Variants in PDE1C observed in about 807,000 individuals in gnomAD.
PDE1C encodes the protein dual specificity calcium/calmodulin-dependent 3',5'-cyclic nucleotide phosphodiesterase 1C.
In PDE1C, 62 loss-of-function variants were observed where a neutral mutation model predicts 93.1. The ratio of observed to expected loss-of-function variants is 0.67; its 90% CI spans 0.54 to 0.82. The LOEUF is 0.82. Ranked by LOEUF, PDE1C falls within the 40% of genes least tolerant of loss-of-function variation. The pLI, the probability that PDE1C is intolerant of heterozygous loss-of-function variation, is 0.00. For missense variants in PDE1C, 742 were observed against 884.6 expected (o/e 0.84, Z 2.04); for synonymous variants, 325 against 310.1 (o/e 1.05, Z -0.50).
At chr7:31,973,173 A>T (rs571633604) in intron 2 of PDE1C, among the ~76,000 whole-genome samples, 4 of 152,354 alleles carry the variant, frequency 2.6e-5, no homozygotes, top group African/African-American at 4.8e-5. Context: ...AGGAAAAAAA[A>T]TAAGTGAACT....
intron 15 of PDE1C, among the ~76,000 whole-genome samples, chr7:31,815,124 T>C (rs543638054): frequency 1.5e-4 from 23 of 152,230 alleles, no homozygotes; most frequent in African/African-American, 4.8e-4. Flanking sequence ...CCCCATTTTA[T>C]AATCCCCAGT....
At chr7:31,664,280 G>T in the PDE1C span, among the ~76,000 whole-genome samples, 1 of 151,660 alleles carries the variant, frequency 6.6e-6, no homozygotes, top group Non-Finnish European at 1.5e-5. Flanking sequence ...CAAGTTGAAA[G>T]ATGTACTTAC....
intron 1 of PDE1C, among the ~76,000 whole-genome samples, chr7:32,420,573 G>A (rs1209669716): frequency 6.7e-6 from 1 of 150,146 alleles, no homozygotes; most frequent in African/African-American, 2.4e-5. Flanking sequence ...AGGGGGGGTG[G>A]TAATAATAGT....
intron 3 of PDE1C, among the ~76,000 whole-genome samples, chr7:32,136,638 C>T (rs1800227869): frequency 1.3e-5 from 2 of 152,146 alleles, no homozygotes; most frequent in Non-Finnish European, 2.9e-5. Flanking sequence ...TACCAAAGGA[C>T]TATTTCTAAT....
chr7:32,367,936 C>G (rs1784256192), intron 1 of PDE1C, among the ~76,000 whole-genome samples: 1 of 151,634 alleles, frequency 6.6e-6, no homozygotes, highest in Non-Finnish European at 1.5e-5. Context: ...GAACAAGACC[C>G]TATCTCTAGT....
chr7:32,086,219 C>G (rs1314405894), intron 3 of PDE1C, among the ~76,000 whole-genome samples: 3 of 143,000 alleles, frequency 2.1e-5, no homozygotes, highest in Non-Finnish European at 3.1e-5. Context: ...AACAGACAAA[C>G]AGAGAGCCAA....
the PDE1C span, among the ~76,000 whole-genome samples, chr7:31,649,076 TAATTGCAA>T: frequency 4.6e-5 from 7 of 152,316 alleles, no homozygotes; most frequent in African/African-American, 1.4e-4. Flanking sequence ...GATGCAAGAG[TAATTGCAA>T]AATTGCAAAA....
chr7:32,019,753 G>C (rs1788398756), intron 2 of PDE1C, among the ~76,000 whole-genome samples: 1 of 152,100 alleles, frequency 6.6e-6, no homozygotes, highest in Non-Finnish European at 1.5e-5. Context: ...GGGAAACAAG[G>C]GGAGGGAAGG....
chr7:31,617,941 A>C, the PDE1C span, among the ~76,000 whole-genome samples: 1 of 152,214 alleles, frequency 6.6e-6, no homozygotes, highest in Non-Finnish European at 1.5e-5. Flanking sequence ...TGTAGTAAAG[A>C]AAATGGTAGG....
chr7:32,059,610 G>A (rs1253936834), intron 1 of PDE1C, among the ~76,000 whole-genome samples: 1 of 152,162 alleles, frequency 6.6e-6, no homozygotes, highest in Non-Finnish European at 1.5e-5. Context: ...AAAAATTCCA[G>A]CACTTGGACT....
chr7:32,105,636 CAA>C (rs1313850139), intron 3 of PDE1C, among the ~76,000 whole-genome samples: 1 of 151,908 alleles, frequency 6.6e-6, no homozygotes, highest in Non-Finnish European at 1.5e-5. Context: ...CTCCTAAACT[CAA>C]TCCATCCTCC....
intron 2 of PDE1C, among the ~76,000 whole-genome samples, chr7:32,178,685 T>G (rs550507828): frequency 6.6e-6 from 1 of 152,190 alleles, no homozygotes; most frequent in East Asian, 1.9e-4. Flanking sequence ...TTCTCTTTCC[T>G]CTCTCCTTTG....
chr7:31,977,262 A>G (rs1199570505), intron 2 of PDE1C, among the ~76,000 whole-genome samples: 4 of 152,116 alleles, frequency 2.6e-5, no homozygotes, highest in East Asian at 1.9e-4. Flanking sequence ...CTGAGCTGAC[A>G]TGCCCTCTCA....
intron 3 of PDE1C, among the ~76,000 whole-genome samples, chr7:32,115,685 A>G (rs1376504995): frequency 6.6e-6 from 1 of 152,218 alleles, no homozygotes; most frequent in Non-Finnish European, 1.5e-5. Flanking sequence ...CAATCTGCCA[A>G]ATAGTTGGTC....
At chr7:31,662,755 C>A in the PDE1C span, among the ~76,000 whole-genome samples, 2 of 152,146 alleles carry the variant, frequency 1.3e-5, no homozygotes, top group Admixed American at 6.5e-5. Flanking sequence ...TTATATAAAA[C>A]CCTCAGTTCA....
At chr7:31,926,444 A>G (rs902970062) in intron 2 of PDE1C, among the ~76,000 whole-genome samples, 2 of 152,228 alleles carry the variant, frequency 1.3e-5, no homozygotes, top group African/African-American at 4.8e-5. Context: ...CAAACCTATG[A>G]ATATTTTAGC....
rs5883321 is a variant in PDE1C, at chr7:32,034,054, C to CTGTGTGTGTGTGTGTGTGTG, written c.128+17480_128+17499dup. Among the ~76,000 whole-genome samples the CTGTGTGTGTGTGTGTGTGTG allele has an allele frequency of 1.3e-3, 198 of 148,496 alleles. 1 individual carries two copies. Among genetic ancestry groups the CTGTGTGTGTGTGTGTGTGTG allele is most frequent in the African/African-American group, 4.8e-3 (191 of 39,880 alleles). On this transcript the variant is annotated intron_variant, in intron 2 of 17. Transcript: ENST00000396191. ...TAATCAGTGGTAGTAAGATGAGAGA[C>CTGTGTGTGTGTGTGTGTGTG]TGTGTGTGTGTGTGTGTGTGTGTGT...
chr7:31,754,235 C>A (rs1034112975), intron 17 of PDE1C, among the ~76,000 whole-genome samples: 1 of 152,204 alleles, frequency 6.6e-6, no homozygotes, highest in Non-Finnish European at 1.5e-5. Flanking sequence ...CTTGACAACA[C>A]CAATTGCTGG....
At position 32,266,497 on chromosome 7, in the gene PDE1C, CA is replaced by C. The variant is rs144336442; in HGVS notation, c.85+32153del. ...GCCTGGCAACAGAGTGAGACTCCGT[CA>C]AAAAAAAATAAAAAGCCTTTCCTTC... On this transcript the variant is annotated intron_variant, in intron 1 of 18. Transcript: ENST00000396193. Among the ~76,000 whole-genome samples the C allele has an allele frequency of 6.7e-5, 10 of 149,224 alleles. No homozygotes were observed. The East Asian group carries it at 2.0e-3, about 29-fold the overall frequency.
Sources: gnomAD v4.1 joint callset for allele counts (sites outside exome capture counted in the v4.1 genomes callset) on GRCh38, gnomAD v4.1.1 for gene constraint, MANE v1.5 for transcripts, NCBI Gene and HGNC (gene_info 2026-07-23, HGNC 2026-07-21) for gene names.